Variants in RPL14 observed in about 807,000 individuals in gnomAD.
RPL14 encodes ribosomal protein L14.
A neutral mutation model predicts 25.3 loss-of-function variants in RPL14; 4 were observed. The observed-to-expected ratio is 0.16, with a 90% CI of 0.08 to 0.36. The LOEUF (loss-of-function observed/expected upper bound fraction) is 0.36, where lower values mean the gene tolerates loss of function less well. Among genes scored for constraint, RPL14 ranks in the 10% least tolerant of loss-of-function variants. The probability of loss-of-function intolerance (pLI) is 1.00; values close to 1 mark genes in which losing one functional copy is unlikely to be tolerated. For missense variants in RPL14, 212 were observed against 261.9 expected, an observed-to-expected ratio of 0.81 and a Z score of 1.31; for synonymous variants, 75 against 89.8, an observed-to-expected ratio of 0.84 and a Z score of 0.93.
At chr3:40,457,607 CCG>C (rs1696863422) in intron 1 of RPL14, 133 bp downstream of exon 1, 1 of 746,944 alleles carries the variant, frequency 1.3e-6, no homozygotes, top group Non-Finnish European at 2.2e-6. Context: ...GTGCGCGCCT[CCG>C]CCGCTGGAGC....
chr3:40,462,223 G>A lies in RPL14; in HGVS notation c.639G>A (p.Lys213=), dbSNP rs777844376. 6.3e-7 allele frequency: 1 copy of A among 1,587,586 alleles called. No individual in the cohort carries two copies. Among genetic ancestry groups the A allele is most frequent in the Non-Finnish European group, 8.5e-7 (1 of 1,172,368 alleles). ...QKAPAPKASG[K]KA ...CACCTGCTCCAAAGGCATCTGGCAAGAAAGCATAAGTGGCAATCATAAAAA... is the reference window on the plus strand; with the variant it reads ...CACCTGCTCCAAAGGCATCTGGCAAAAAAGCATAAGTGGCAATCATAAAAA... The change falls in exon 6 of 6, where the codon AAG becomes AAA. Residue 213 remains lysine, a synonymous_variant. Transcript: ENST00000396203.
At chr3:40,457,536 C>G in intron 1 of RPL14, 62 bp downstream of exon 1, 1 of 1,363,740 alleles carries the variant, frequency 7.3e-7, no homozygotes, top group Non-Finnish European at 1.0e-6. Context: ...GCGCCCTTCC[C>G]GGACTCGCCG....
intron 3 of RPL14, among the ~76,000 whole-genome samples, chr3:40,460,354 C>A (rs1696917761): frequency 6.6e-6 from 1 of 151,992 alleles, no homozygotes; most frequent in Non-Finnish European, 1.5e-5. Context: ...CCCGTCTCCA[C>A]TAAAAGTCCA....
rs142281988 is a variant in RPL14, at chr3:40,460,347, G to A, written c.201-1060G>A. On this transcript the variant is annotated intron_variant, in intron 3 of 5. Transcript: ENST00000396203. ...ATTTGAGACCAGCCTAGCCAACCCCGTCTCCACTAAAAGTCCAAAAATTAG... is the reference window on the plus strand; with the variant it reads ...ATTTGAGACCAGCCTAGCCAACCCCATCTCCACTAAAAGTCCAAAAATTAG... 3.7e-3 allele frequency among the ~76,000 whole-genome samples: 563 copies of A among 151,988 alleles called. 16 individuals are homozygous for A. In the East Asian group the frequency reaches 0.051, roughly 14 times the overall value.
At position 40,457,875 on chromosome 3, in the gene RPL14, C is replaced by A. The variant is rs764869565; in HGVS notation, c.4-15C>A. On this transcript the variant is annotated splice_polypyrimidine_tract_variant and intron_variant, in intron 1 of 5. Coordinates refer to ENST00000396203, the MANE Select transcript of RPL14 (RefSeq NM_001034996.3). ...TTCTAAGTAAGTTTCACTGTCCTTT[C>A]TCCTCCAATTTTAGGTGTTCAGGCG... 6.2e-6 allele frequency: 10 copies of A among 1,611,328 alleles called. No individual in the cohort carries two copies. The highest frequency in any genetic ancestry group is 1.6e-4 in the Middle Eastern group (1 of 6,080).
At chr3:40,460,875 C>T (rs1217206070) in intron 3 of RPL14, among the ~76,000 whole-genome samples, 1 of 151,704 alleles carries the variant, frequency 6.6e-6, no homozygotes, top group Non-Finnish European at 1.5e-5. Context: ...AGCCACTGCG[C>T]CTGGTCAAGA....
In RPL14 at chr3:40,465,809, C is replaced by T. The variant is rs1697019472; in HGVS notation, c.*3577C>T. The T allele has an allele frequency of 6.6e-6, 1 of 152,144 alleles. No homozygotes were observed. Among genetic ancestry groups the T allele is most frequent in the South Asian group, 2.1e-4 (1 of 4,828 alleles). The allele number at this position is 152,144 out of a possible 1,614,324, so 9.4% of individuals were successfully genotyped here. A position where few individuals can be genotyped will look rare whatever the true frequency, so the allele number is the denominator to read the frequency against. ...TACAGAACAGTGGAAATTGGAAATT[C>T]CAATCTTGGAATCTCTAGGAAAGTA... On this transcript the variant is annotated 3_prime_UTR_variant, in exon 6 of 6. Coordinates refer to ENST00000396203, the MANE Select transcript of RPL14 (RefSeq NM_001034996.3).
chr3:40,462,947 CAG>C lies in RPL14; in HGVS notation c.*718_*719del, dbSNP rs1386713498. 2.0e-5 allele frequency: 3 copies of C among 151,598 alleles called. No homozygotes were observed. The highest frequency in any genetic ancestry group is 2.9e-5 in the Non-Finnish European group (2 of 67,994). The allele number at this position is 151,598 out of a possible 1,614,324, so 9.4% of individuals were successfully genotyped here. ...TTTATTTATTTTTTTTTTTTGGAGA[CAG>C]AGTCTTGCTGTGTTGCCCAGGCTGG... On this transcript the variant is annotated 3_prime_UTR_variant, in exon 6 of 6. Transcript: ENST00000396203.
At position 40,457,388 on chromosome 3, in the gene RPL14, G is replaced by C; in HGVS notation, c.-84G>C. The C allele has an allele frequency of 2.5e-6, 4 of 1,602,398 alleles. No homozygotes were observed. Among genetic ancestry groups the C allele is most frequent in the Non-Finnish European group, 3.4e-6 (4 of 1,174,028 alleles). On this transcript the variant is annotated 5_prime_UTR_variant, in exon 1 of 6. Coordinates refer to ENST00000396203, the MANE Select transcript of RPL14 (RefSeq NM_001034996.3). Reference sequence around the variant, plus strand: ...GGTGAGTCTTACTGTTGCGGGCTCCGGGGCCGTCGACCATGCCGCTCGACC... The same window carrying C: ...GGTGAGTCTTACTGTTGCGGGCTCCCGGGCCGTCGACCATGCCGCTCGACC...
At chr3:40,459,366 A>C (rs1454868923) in intron 3 of RPL14, among the ~76,000 whole-genome samples, 1 of 152,218 alleles carries the variant, frequency 6.6e-6, no homozygotes, top group African/African-American at 2.4e-5. Flanking sequence ...ATAAGCTCTC[A>C]GTGTGTGTCA....
rs753641747 is a variant in RPL14, at chr3:40,457,397, G to C, written c.-75G>C. ...TACTGTTGCGGGCTCCGGGGCCGTC[G>C]ACCATGCCGCTCGACCTCCACCTCC... On this transcript the variant is annotated 5_prime_UTR_variant, in exon 1 of 6. Transcript: ENST00000396203. 17 of 1,599,842 alleles carry C rather than the reference G, an allele frequency of 1.1e-5. No homozygotes were observed. Among genetic ancestry groups the C allele is most frequent in the Non-Finnish European group, 1.4e-5 (16 of 1,172,680 alleles).
rs1341153749 is a variant in RPL14, at chr3:40,466,352, C to G, written c.*4120C>G. 1 of 151,566 alleles carries G rather than the reference C, an allele frequency of 6.6e-6. No homozygotes were observed. The highest frequency in any genetic ancestry group is 1.5e-5 in the Non-Finnish European group (1 of 67,912). The allele number at this position is 151,566 out of a possible 1,614,324, so 9.4% of individuals were successfully genotyped here. A position where few individuals can be genotyped will look rare whatever the true frequency, so the allele number is the denominator to read the frequency against. On this transcript the variant is annotated 3_prime_UTR_variant, in exon 6 of 6. Transcript: ENST00000396203. Reference sequence around the variant, plus strand: ...GGAGAACTACACACTTGTTCAGTCACCCTCATTGGAGACGGGGGATGGCAT... The same window carrying G: ...GGAGAACTACACACTTGTTCAGTCAGCCTCATTGGAGACGGGGGATGGCAT...
At position 40,463,776 on chromosome 3, in the gene RPL14, CA is replaced by C. The variant is rs1395261641; in HGVS notation, c.*1547del. On this transcript the variant is annotated 3_prime_UTR_variant, in exon 6 of 6. Transcript: ENST00000396203. Reference sequence around the variant, plus strand: ...CCTGTATAGACCTAGGTCCCATCCCCAAAGTGTCATGTATATGCACTTAACT... The same window carrying C: ...CCTGTATAGACCTAGGTCCCATCCCCAAGTGTCATGTATATGCACTTAACT... 3.3e-5 allele frequency: 5 copies of C among 152,188 alleles called. No individual in the cohort carries two copies. The highest frequency in any genetic ancestry group is 1.2e-4 in the African/African-American group (5 of 41,416). 9.4% of individuals were successfully genotyped at this position (152,188 alleles called of 1,614,324 possible).
At chr3:40,459,856 T>C (rs1254017122) in intron 3 of RPL14, among the ~76,000 whole-genome samples, 2 of 7,046 alleles carry the variant, frequency 2.8e-4, no homozygotes, top group Admixed American at 1.8e-3. Context: ...GAGACTCCGT[T>C]TCAAAAAAAA....
rs145080197 is a variant in RPL14 at position 40,464,685 on chromosome 3, G to A, written c.*2453G>A. ...TATGGGATCAAGACTGGGAATGCTC[G>A]GGTTGGCAGTATGAAGTTTGGCAGT... On this transcript the variant is annotated 3_prime_UTR_variant, in exon 6 of 6. Coordinates refer to ENST00000396203, the MANE Select transcript of RPL14 (RefSeq NM_001034996.3). 10 of 334,692 alleles carry A rather than the reference G, an allele frequency of 3.0e-5. No homozygotes were observed. The East Asian group carries it at 3.8e-4, about 13-fold the overall frequency. 20.7% of individuals were successfully genotyped at this position (334,692 alleles called of 1,614,324 possible).
At chr3:40,457,524 T>G in intron 1 of RPL14, 50 bp downstream of exon 1, 1 of 1,416,734 alleles carries the variant, frequency 7.1e-7, no homozygotes, top group Non-Finnish European at 9.7e-7. Context: ...CTTCCCGGAC[T>G]CGCGCCCTTC....
chr3:40,457,466 A>C lies in RPL14; in HGVS notation c.-6A>C, dbSNP rs1489883427. 7.0e-6 allele frequency: 11 copies of C among 1,568,670 alleles called. No individual in the cohort carries two copies. The highest frequency in any genetic ancestry group is 9.5e-6 in the Non-Finnish European group (11 of 1,157,290). ...CAAACGGCTCCCAGAGGGTCCCGGG[A>C]AGCGCATGGTGAGGGTCCCCGGGCC... On this transcript the variant is annotated 5_prime_UTR_variant, in exon 1 of 6. Coordinates refer to ENST00000396203, the MANE Select transcript of RPL14 (RefSeq NM_001034996.3).
rs1265404763 is a variant in RPL14 at position 40,464,496 on chromosome 3, G to C, written c.*2264G>C. On this transcript the variant is annotated 3_prime_UTR_variant, in exon 6 of 6. Transcript: ENST00000396203. ...TGGTGTAAGGGGAAGAATGACACGAGATAGGAAATAAACGAACTGATAGTG... is the reference window on the plus strand; with the variant it reads ...TGGTGTAAGGGGAAGAATGACACGACATAGGAAATAAACGAACTGATAGTG... 2.2e-6 allele frequency: 1 copy of C among 456,074 alleles called. No homozygotes were observed. The highest frequency in any genetic ancestry group is 4.4e-6 in the Non-Finnish European group (1 of 226,802). 28.3% of individuals were successfully genotyped at this position (456,074 alleles called of 1,614,324 possible). A position where few individuals can be genotyped will look rare whatever the true frequency, so the allele number is the denominator to read the frequency against.
At position 40,464,834 on chromosome 3, in the gene RPL14, A is replaced by T. The variant is rs1697004751; in HGVS notation, c.*2602A>T. On this transcript the variant is annotated 3_prime_UTR_variant, in exon 6 of 6. Transcript: ENST00000396203. ...TTGTACCTCTGGTTCATTGGTTGTG[A>T]GGGAACATGAGGCAGGGTAAAGTTT... is the stretch of plus-strand genomic sequence containing the variant. The T allele has an allele frequency of 4.7e-6, 1 of 211,418 alleles. No individual in the cohort carries two copies. The highest frequency in any genetic ancestry group is 9.9e-6 in the Non-Finnish European group (1 of 101,314). 13.1% of individuals were successfully genotyped at this position (211,418 alleles called of 1,614,324 possible).
Sources: gnomAD v4.1 joint callset for allele counts (sites outside exome capture counted in the v4.1 genomes callset) on GRCh38, gnomAD v4.1.1 for gene constraint, MANE v1.5 for transcripts, NCBI Gene and HGNC (gene_info 2026-07-23, HGNC 2026-07-21) for gene names.